Variants in ARID2 observed in about 807,000 individuals in gnomAD.
ARID2 encodes AT-rich interactive domain-containing protein 2.
A neutral mutation model predicts 184.6 loss-of-function variants in ARID2; 32 were observed. That is an observed-to-expected ratio of 0.17 (90% CI 0.13 to 0.23). The LOEUF (loss-of-function observed/expected upper bound fraction) is 0.23. ARID2 is among the 10% of genes least tolerant of loss of function. ARID2 has a pLI of 1.00. For missense variants in ARID2, 1,696 were observed against 2,197.6 expected, an observed-to-expected ratio of 0.77 and a Z score of 4.56; for synonymous variants, 836 against 772.6, an observed-to-expected ratio of 1.08 and a Z score of -1.36.
At chr12:45,751,857 ACCATTGTAT>A (rs1240075332) in intron 3 of ARID2, among the ~76,000 whole-genome samples, 1 of 152,222 alleles carries the variant, frequency 6.6e-6, no homozygotes, top group Non-Finnish European at 1.5e-5. Flanking sequence ...TTATGGGAGC[ACCATTGTAT>A]ATATGGTCAT....
At chr12:45,798,224 A>AT (rs968060853) in intron 3 of ARID2, among the ~76,000 whole-genome samples, 4 of 151,540 alleles carry the variant, frequency 2.6e-5, no homozygotes, top group African/African-American at 9.7e-5. Flanking sequence ...TTTTTCCAGT[A>AT]TTTTTTTGTC....
chr12:45,786,880 C>A (rs975210425), intron 3 of ARID2, among the ~76,000 whole-genome samples: 2 of 152,106 alleles, frequency 1.3e-5, no homozygotes, highest in African/African-American at 4.8e-5. Flanking sequence ...TAAAATGAGT[C>A]AGGCACAGAA....
chr12:45,801,489 T>G (rs1255693309), intron 3 of ARID2, among the ~76,000 whole-genome samples: 1 of 152,188 alleles, frequency 6.6e-6, no homozygotes, highest in Admixed American at 6.5e-5. Flanking sequence ...CTTCATAGTG[T>G]GATAACCTAG....
At chr12:45,902,002 G>A (rs867063167) in intron 20 of ARID2, among the ~76,000 whole-genome samples, 10 of 151,922 alleles carry the variant, frequency 6.6e-5, no homozygotes, top group Admixed American at 1.3e-4. Flanking sequence ...TTTACCCTTC[G>A]TACTGTTTTG....
Position 45,839,271 on chromosome 12 carries a change from T to C in ARID2, c.1331-58T>C. ...ATTCTGTACAACATGTGTTCACCAG[T>C]GATGGCATTCATTTATAATATTATT... On this transcript the variant is annotated intron_variant, in intron 10 of 20. Transcript: ENST00000334344. 3 of 1,456,312 alleles carry C rather than the reference T, an allele frequency of 2.1e-6. No homozygotes were observed. In the South Asian group the frequency reaches 4.0e-5, roughly 19 times the overall value. The allele number at this position is 1,456,312 out of a possible 1,614,324, so 90.2% of individuals were successfully genotyped here. A position where few individuals can be genotyped will look rare whatever the true frequency, so the allele number is the denominator to read the frequency against.
At chr12:45,877,882 T>C (rs1190358538) in intron 16 of ARID2, among the ~76,000 whole-genome samples, 2 of 152,238 alleles carry the variant, frequency 1.3e-5, no homozygotes, top group African/African-American at 2.4e-5. Flanking sequence ...TCTCTGAAGA[T>C]CTCCTTTTAA....
chr12:45,769,021 G>C lies in ARID2; in HGVS notation c.284+37707G>C, dbSNP rs371252044. ...ACAGAGGGGAGATTGGGAGAAATAT[G>C]CTTCACTAAAACAATCCAGCCAGTG... On this transcript the variant is annotated intron_variant, in intron 3 of 20. Transcript: ENST00000334344. Among the ~76,000 whole-genome samples the C allele has an allele frequency of 2.3e-3, 345 of 152,268 alleles. 12 individuals are homozygous for C. The South Asian group carries it at 0.068, about 30-fold the overall frequency.
intron 16 of ARID2, among the ~76,000 whole-genome samples, chr12:45,871,798 AT>A (rs1943930161): frequency 6.6e-6 from 1 of 152,162 alleles, no homozygotes; most frequent in South Asian, 2.1e-4. Flanking sequence ...AATAGTTACA[AT>A]GTTATTCAGA....
rs750937519 is a variant in ARID2 at position 45,850,343 on chromosome 12, G to C, written c.2220G>C (p.Gln740His). The C allele has an allele frequency of 1.9e-6, 3 of 1,614,076 alleles. No individual in the cohort carries two copies. In the South Asian group the frequency reaches 3.3e-5, roughly 18 times the overall value. ...TTGCTGTTGGAGGAGGACCTCCACA[G>C]AGTTCTGTTGTTCAGAATCATAGTA... Reference protein sequence around the residue: ...VSIAVGGGPPQSSVVQNHSTG... With the variant: ...VSIAVGGGPPHSSVVQNHSTG... Residue 740 changes from glutamine to histidine, a missense_variant, in exon 15 of 21, where the codon CAG becomes CAC. Physicochemically the swap from Gln to His is conservative, Grantham distance 24. Around this residue, in one of 11 missense-constraint regions of ARID2, gnomAD observed 713 missense variants for 824.4 expected, o/e 0.86. Transcript: ENST00000334344.
chr12:45,901,748 A>G (rs375526352), intron 20 of ARID2, among the ~76,000 whole-genome samples: 121 of 151,606 alleles, frequency 8.0e-4, no homozygotes, highest in Admixed American at 3.2e-3. Context: ...GCAGCCTCCA[A>G]CCTCCTGGGC....
At chr12:45,798,779 T>C (rs1000777326) in intron 3 of ARID2, among the ~76,000 whole-genome samples, 7 of 152,270 alleles carry the variant, frequency 4.6e-5, no homozygotes, top group East Asian at 1.9e-4. Context: ...GTTCTACTTA[T>C]ACCTGTAAAT....
At chr12:45,882,334 A>T (rs1944119823) in intron 16 of ARID2, 3 of 152,198 alleles carry the variant, frequency 2.0e-5, no homozygotes, top group African/African-American at 7.2e-5. Flanking sequence ...GAAGTCCCGG[A>T]ATAAGACTTT....
At position 45,893,634 on chromosome 12, in the gene ARID2, A is replaced by G. The variant is rs1944332814; in HGVS notation, c.5276A>G (p.Glu1759Gly). 6.2e-7 allele frequency: 1 copy of G among 1,603,702 alleles called. No individual in the cohort carries two copies. Among genetic ancestry groups the G allele is most frequent in the East Asian group, 2.2e-5 (1 of 44,798 alleles). ...TTTTTTTCCTTTCTTTTTAAGGATG[A>G]AAAAGAGGGACCAATAACTAAACAC... ...RNLVFRDFTD[E>G]KEGPITKHIR... The change falls in exon 20 of 21, where the codon GAA becomes GGA. Residue 1759 changes from glutamate to glycine, a missense_variant. Transcript: ENST00000334344.
chr12:45,875,714 T>A (rs1943999233), intron 16 of ARID2, among the ~76,000 whole-genome samples: 1 of 152,246 alleles, frequency 6.6e-6, no homozygotes, highest in Admixed American at 6.5e-5. Context: ...TGCACTTTCA[T>A]GTTATGGAGA....
chr12:45,737,730 G>C (rs1253294957), intron 3 of ARID2, among the ~76,000 whole-genome samples: 4 of 152,108 alleles, frequency 2.6e-5, no homozygotes, highest in Non-Finnish European at 5.9e-5. Flanking sequence ...GTTGATCTAA[G>C]TATTGTAATG....
chr12:45,779,953 T>TTGGA (rs1405790529), intron 3 of ARID2, among the ~76,000 whole-genome samples: 1 of 152,170 alleles, frequency 6.6e-6, no homozygotes, highest in Non-Finnish European at 1.5e-5. Flanking sequence ...AATATTTATA[T>TTGGA]TGGATAAATT....
At chr12:45,854,824 G>T (rs1012618417) in intron 15 of ARID2, among the ~76,000 whole-genome samples, 1 of 152,100 alleles carries the variant, frequency 6.6e-6, no homozygotes, top group Non-Finnish European at 1.5e-5. Flanking sequence ...CATGTCATAG[G>T]GACTTTATAC....
intron 15 of ARID2, among the ~76,000 whole-genome samples, chr12:45,859,342 C>G (rs1943703742): frequency 6.6e-6 from 1 of 152,050 alleles, no homozygotes; most frequent in Admixed American, 6.6e-5. Context: ...TCCATATAGC[C>G]TAGGTATGTA....
chr12:45,793,827 A>T (rs1267134717), intron 3 of ARID2, among the ~76,000 whole-genome samples: 3 of 149,752 alleles, frequency 2.0e-5, no homozygotes, highest in Non-Finnish European at 4.5e-5. Context: ...GCTGGTTTTA[A>T]AAAAAAAAGT....
Sources: gnomAD v4.1 joint callset for allele counts (sites outside exome capture counted in the v4.1 genomes callset) on GRCh38, gnomAD v4.1.1 for gene constraint, gnomAD v4.1.1 regional missense constraint, MANE v1.5 for transcripts, NCBI Gene and HGNC (gene_info 2026-07-23, HGNC 2026-07-21) for gene names.